The following ARHGEF4 variants were observed in gnomAD, a reference collection of about 807,000 sequenced individuals.
ARHGEF4 encodes the protein Rho guanine nucleotide exchange factor 4.
A neutral mutation model predicts 162.0 loss-of-function variants in ARHGEF4; 119 were observed. The ratio of observed to expected loss-of-function variants is 0.73; its 90% CI spans 0.63 to 0.86. The LOEUF (loss-of-function observed/expected upper bound fraction) is 0.86, where lower values mean the gene tolerates loss of function less well. Ranked by LOEUF, ARHGEF4 falls within the 40% of genes least tolerant of loss-of-function variation. The pLI is 0.00. For synonymous variants in ARHGEF4, 1,014 were observed against 979.9 expected, an observed-to-expected ratio of 1.03 and a Z score of -0.65; for missense variants, 2,488 against 2,456.0, an observed-to-expected ratio of 1.01 and a Z score of -0.28.
At chr2:131,038,772 T>C in intron 5 of ARHGEF4, 81 bp from the exon 6 acceptor site, 1 of 1,460,016 alleles carries the variant, frequency 6.8e-7, no homozygotes, top group Non-Finnish European at 9.2e-7. Context: ...TTCCCAGGGC[T>C]GCTGAGGGAG....
chr2:130,964,227 G>C (rs1422670648), intron 4 of ARHGEF4: 2 of 985,454 alleles, frequency 2.0e-6, no homozygotes, highest in African/African-American at 3.5e-5. Flanking sequence ...GGAGCCTGGA[G>C]AGCCTGCGCT....
chr2:130,971,390 G>C lies in ARHGEF4; in HGVS notation c.3985+24755G>C, dbSNP rs1685356324. 2.0e-5 allele frequency among the ~76,000 whole-genome samples: 3 copies of C among 152,212 alleles called. No homozygotes were observed. The South Asian group carries it at 6.2e-4, about 32-fold the overall frequency. ...AACTTGTCAATATCAGTTAGGTGCA[G>C]TGGCTCACGCCTGTAATCCCAGCCT... On this transcript the variant is annotated intron_variant, in intron 4 of 13. Transcript: ENST00000409359.
At chr2:130,837,916 C>T (rs1680318945) in intron 1 of ARHGEF4, among the ~76,000 whole-genome samples, 1 of 152,210 alleles carries the variant, frequency 6.6e-6, no homozygotes, top group African/African-American at 2.4e-5. Context: ...GAGTTGAAGA[C>T]GGGAGGTTGA....
intron 1 of ARHGEF4, among the ~76,000 whole-genome samples, chr2:130,865,952 T>C (rs1017829633): frequency 6.6e-6 from 1 of 152,192 alleles, no homozygotes; most frequent in Non-Finnish European, 1.5e-5. Context: ...AGTTGAGGCA[T>C]TCCATGACAG....
chr2:130,940,420 C>G (rs372655902), intron 3 of ARHGEF4, among the ~76,000 whole-genome samples: 1 of 151,804 alleles, frequency 6.6e-6, no homozygotes, highest in Non-Finnish European at 1.5e-5. Context: ...CTCAGCCTCC[C>G]GAATAGCTGG....
At chr2:130,886,639 C>CCA (rs1052514592) in intron 1 of ARHGEF4, among the ~76,000 whole-genome samples, 105 of 151,216 alleles carry the variant, frequency 6.9e-4, no homozygotes, top group African/African-American at 2.4e-3. Context: ...CGAGATCGCG[C>CCA]CACTGCACTC....
At chr2:130,842,971 C>T (rs1292722530) in intron 1 of ARHGEF4, among the ~76,000 whole-genome samples, 3 of 152,190 alleles carry the variant, frequency 2.0e-5, no homozygotes, top group African/African-American at 4.8e-5. Context: ...CTCCACTGCT[C>T]TGCTGACAAC....
At chr2:130,984,762 C>T (rs1686364969) in intron 4 of ARHGEF4, among the ~76,000 whole-genome samples, 1 of 151,952 alleles carries the variant, frequency 6.6e-6, no homozygotes, top group Admixed American at 6.6e-5. Flanking sequence ...CACACAATCG[C>T]CAGAACACAA....
chr2:130,969,594 G>A (rs1311286420), intron 4 of ARHGEF4, among the ~76,000 whole-genome samples: 4 of 150,206 alleles, frequency 2.7e-5, no homozygotes, highest in African/African-American at 9.8e-5. Flanking sequence ...GTGAGACTCC[G>A]TCTCAAAAAA....
In ARHGEF4 at chr2:131,046,062, C is replaced by T. The variant is rs767165815; in HGVS notation, c.5504C>T (p.Thr1835Met). The T allele has an allele frequency of 1.6e-5, 25 of 1,611,990 alleles. No homozygotes were observed. Among genetic ancestry groups the T allele is most frequent in the South Asian group, 4.4e-5 (4 of 90,980 alleles). ...PKAVGRPCYL[T>M]RQKHPALPSN... is the part of the protein sequence containing the mutation. ...GCTGTTGGCCGGCCCTGCTACCTGA[C>T]GCGCCAGAAGCACCCAGCCCTGCCC... Residue 1835 changes from threonine to methionine, a missense_variant, in exon 14 of 14, where the codon ACG becomes ATG. By Grantham distance (81) the Thr-to-Met change is moderately conservative. Around this residue, in one of 6 missense-constraint regions of ARHGEF4, gnomAD observed 415 missense variants for 512.4 expected, o/e 0.81. Transcript: ENST00000409359.
At chr2:130,889,538 C>T (rs374970969) in intron 1 of ARHGEF4, among the ~76,000 whole-genome samples, 1 of 151,810 alleles carries the variant, frequency 6.6e-6, no homozygotes, top group African/African-American at 2.4e-5. Flanking sequence ...ACAGGCTGGG[C>T]GTGGTGGCTC....
chr2:130,890,952 A>C (rs1679830986), intron 1 of ARHGEF4, among the ~76,000 whole-genome samples: 1 of 152,144 alleles, frequency 6.6e-6, no homozygotes, highest in African/African-American at 2.4e-5. Context: ...ATCTTCCTTC[A>C]ATTCAGCTTG....
chr2:130,884,053 T>C (rs956974368), intron 1 of ARHGEF4, among the ~76,000 whole-genome samples: 1 of 152,128 alleles, frequency 6.6e-6, no homozygotes, highest in Non-Finnish European at 1.5e-5. Context: ...ACTGATTTTA[T>C]GCAAAGTTAT....
intron 2 of ARHGEF4, among the ~76,000 whole-genome samples, chr2:130,926,810 A>ATTTTTTTTTTTTTTTTTTTTTT (rs55904944): frequency 2.0e-5 from 1 of 48,954 alleles, no homozygotes; most frequent in African/African-American, 6.9e-5. Context: ...CTTCTGGCTG[A>ATTTTTTTTTTTTTTTTTTTTTT]TTTTTTTTTT....
chr2:130,869,455 C>T (rs1678313818), intron 1 of ARHGEF4, among the ~76,000 whole-genome samples: 1 of 152,152 alleles, frequency 6.6e-6, no homozygotes, highest in Non-Finnish European at 1.5e-5. Flanking sequence ...GGAGTTACCC[C>T]TGAGATAAGC....
chr2:131,027,721 G>A (rs1160204404), intron 4 of ARHGEF4, among the ~76,000 whole-genome samples: 1 of 152,158 alleles, frequency 6.6e-6, no homozygotes, highest in Non-Finnish European at 1.5e-5. Context: ...CTGTAGACTG[G>A]GTGATGGGTG....
chr2:130,883,983 G>C (rs1289398075), intron 1 of ARHGEF4, among the ~76,000 whole-genome samples: 1 of 152,074 alleles, frequency 6.6e-6, no homozygotes, highest in African/African-American at 2.4e-5. Context: ...ATAATGAAGT[G>C]CTCCATTAAT....
intron 4 of ARHGEF4, among the ~76,000 whole-genome samples, chr2:130,984,297 G>A (rs1164906368): frequency 6.6e-6 from 1 of 152,128 alleles, no homozygotes; most frequent in Non-Finnish European, 1.5e-5. Flanking sequence ...TAGAACAGCA[G>A]CACAGAAACC....
chr2:131,009,479 C>G (rs1009487253), intron 4 of ARHGEF4, among the ~76,000 whole-genome samples: 1 of 152,138 alleles, frequency 6.6e-6, no homozygotes, highest in Non-Finnish European at 1.5e-5. Flanking sequence ...CATTCACTCT[C>G]TCCTCATGTA....
Sources: allele counts gnomAD v4.1 joint callset (sites outside exome capture counted in the v4.1 genomes callset), GRCh38; gene constraint gnomAD v4.1.1; regional missense constraint gnomAD v4.1.1; transcripts MANE v1.5; gene names NCBI Gene and HGNC (gene_info 2026-07-23, HGNC 2026-07-21).